WDR82: variants seen among roughly 807,000 people sequenced by gnomAD.
WDR82 encodes the protein WD repeat domain 82, also known as WD repeat-containing protein 82.
WDR82 carries 8 observed loss-of-function variants against 36.1 expected under a neutral mutation model. The observed-to-expected ratio is 0.22, with a 90% CI of 0.13 to 0.40. The LOEUF is 0.40. Ranked by LOEUF, WDR82 falls within the 10% of genes least tolerant of loss-of-function variation. The pLI is 1.00. For synonymous variants in WDR82, 129 were observed against 137.8 expected (o/e 0.94, Z 0.45); for missense variants, 185 against 400.5 (o/e 0.46, Z 4.59).
chr3:52,257,925 C>T (rs1010852671), intron 8 of WDR82, among the ~76,000 whole-genome samples: 1 of 151,740 alleles, frequency 6.6e-6, no homozygotes, highest in East Asian at 1.9e-4. Flanking sequence ...TTTTTTCTAA[C>T]ATTTTTTTCT....
intron 2 of WDR82, among the ~76,000 whole-genome samples, chr3:52,270,159 G>A (rs145943980): frequency 6.6e-5 from 10 of 152,186 alleles, no homozygotes; most frequent in South Asian, 2.1e-4. Flanking sequence ...TCACTCTGTC[G>A]CCCAGGCTGG....
intron 1 of WDR82, among the ~76,000 whole-genome samples, chr3:52,273,896 A>T (rs764325830): frequency 6.6e-6 from 1 of 152,212 alleles, no homozygotes; most frequent in Non-Finnish European, 1.5e-5. Context: ...TGCTGGGATT[A>T]CAAGTGTGAG....
At chr3:52,260,634 C>T (rs1700053332) in intron 4 of WDR82, 133 bp from the exon 5 acceptor site, 2 of 482,374 alleles carry the variant, frequency 4.1e-6, no homozygotes. Context: ...TTACTTTTCC[C>T]AATTAAAACT....
intron 3 of WDR82, among the ~76,000 whole-genome samples, chr3:52,263,901 T>C (rs1245119428): frequency 1.3e-5 from 2 of 152,238 alleles, no homozygotes; most frequent in African/African-American, 4.8e-5. Context: ...CAGTGGCTCA[T>C]GCCTGTAATC....
intron 8 of WDR82, 37 bp downstream of exon 8, chr3:52,258,499 G>A (rs1423504097): frequency 1.2e-6 from 2 of 1,611,858 alleles, no homozygotes; most frequent in African/African-American, 2.7e-5. Flanking sequence ...ACTGGGAAGG[G>A]TCCCTGAGTA....
chr3:52,261,316 T>C lies in WDR82; in HGVS notation c.426+64A>G, dbSNP rs1038942188. On this transcript the variant is annotated intron_variant, in intron 4 of 8. Transcript: ENST00000296490. ...ACTGTTTTCTCCCTTCTTTGAGAGG[T>C]AGAGTTCATTACAGTGCCTACCAAA... 2.2e-5 allele frequency: 30 copies of C among 1,337,516 alleles called. No individual in the cohort carries two copies. The South Asian group carries it at 2.3e-4, about 10-fold the overall frequency. 82.9% of individuals were successfully genotyped at this position (1,337,516 alleles called of 1,614,324 possible).
At chr3:52,259,379 T>C in intron 6 of WDR82, 113 bp from the exon 7 acceptor site, 2 of 1,093,888 alleles carry the variant, frequency 1.8e-6, no homozygotes, top group Non-Finnish European at 1.4e-6. Flanking sequence ...AACCCTTTCC[T>C]TGTCATGTAC....
chr3:52,262,542 C>G (rs1235776769), intron 3 of WDR82, among the ~76,000 whole-genome samples: 1 of 152,204 alleles, frequency 6.6e-6, no homozygotes, highest in Non-Finnish European at 1.5e-5. Context: ...CCCAGAGCCT[C>G]TAATCCAGTA....
rs994549428 is a variant in WDR82, at chr3:52,257,119, G to A, written c.*371C>T. On this transcript the variant is annotated 3_prime_UTR_variant, in exon 9 of 9. Transcript: ENST00000296490. ...GACTTTGGCTTCCCATGCAGTTGGA[G>A]GGTAGAAGGGATGTGCGGAACTGAT... 4.2e-6 allele frequency: 1 copy of A among 235,800 alleles called. No individual in the cohort carries two copies. The highest frequency in any genetic ancestry group is 2.3e-5 in the African/African-American group (1 of 43,908). 14.6% of individuals were successfully genotyped at this position (235,800 alleles called of 1,614,324 possible).
chr3:52,273,002 T>C (rs752399872), intron 1 of WDR82, among the ~76,000 whole-genome samples: 3 of 152,196 alleles, frequency 2.0e-5, no homozygotes, highest in Non-Finnish European at 4.4e-5. Flanking sequence ...CTGTCTGGGG[T>C]TCTGATGTGG....
intron 6 of WDR82, 136 bp downstream of exon 6, chr3:52,259,581 G>A: frequency 9.0e-7 from 1 of 1,116,282 alleles, no homozygotes; most frequent in Non-Finnish European, 1.3e-6. Flanking sequence ...AAGTTCATGA[G>A]CAGGAAGAAA....
Position 52,278,487 on chromosome 3 carries a change from C to A in WDR82, c.-126G>T. ...CGCCGGCGGCTAGCGGGAAGTCGGC[C>A]AACAGTTGGGCCGCCTCCTCCTCTT... On this transcript the variant is annotated 5_prime_UTR_variant, in exon 1 of 9. Transcript: ENST00000296490. 1 of 858,620 alleles carries A rather than the reference C, an allele frequency of 1.2e-6. No homozygotes were observed. The highest frequency in any genetic ancestry group is 1.5e-6 in the Non-Finnish European group (1 of 653,564). The allele number at this position is 858,620 out of a possible 1,614,324, so 53.2% of individuals were successfully genotyped here.
rs139729383 is a variant in WDR82 at position 52,260,769 on chromosome 3, A to G, written c.427-268T>C. The stretch of plus-strand genomic sequence containing the variant: ...AATTTCTGATCAACTCTAACTGCAC[A>G]ATATTACAGACACAGAATTCAAATA... On this transcript the variant is annotated intron_variant, in intron 4 of 8. Coordinates refer to ENST00000296490, the MANE Select transcript of WDR82 (RefSeq NM_025222.4). Among the ~76,000 whole-genome samples, 80 of 152,384 alleles carry G rather than the reference A, an allele frequency of 5.2e-4. 1 individual carries two copies. The highest frequency in any genetic ancestry group is 1.2e-3 in the South Asian group (6 of 4,830).
At chr3:52,274,761 GCA>G in intron 1 of WDR82, among the ~76,000 whole-genome samples, 1 of 152,118 alleles carries the variant, frequency 6.6e-6, no homozygotes, top group East Asian at 1.9e-4. Flanking sequence ...AAATTAGCAG[GCA>G]CACTGATGGG....
chr3:52,278,052 G>T, intron 1 of WDR82, 149 bp downstream of exon 1: 1 of 643,660 alleles, frequency 1.6e-6, no homozygotes, highest in Non-Finnish European at 2.4e-6. Flanking sequence ...AGGTCTCCTG[G>T]ACGGCTGCGG....
At chr3:52,271,802 C>T (rs1440571199) in intron 1 of WDR82, among the ~76,000 whole-genome samples, 1 of 152,228 alleles carries the variant, frequency 6.6e-6, no homozygotes, top group Non-Finnish European at 1.5e-5. Flanking sequence ...AGCAAAATCA[C>T]ACATTTCTGG....
At chr3:52,278,062 G>A in intron 1 of WDR82, 139 bp downstream of exon 1, 1 of 770,708 alleles carries the variant, frequency 1.3e-6, no homozygotes, top group Non-Finnish European at 1.9e-6. Context: ...GACGGCTGCG[G>A]GGTGGAGGCG....
intron 2 of WDR82, among the ~76,000 whole-genome samples, chr3:52,268,636 T>C (rs532857455): frequency 2.6e-5 from 4 of 151,814 alleles, no homozygotes; most frequent in Non-Finnish European, 5.9e-5. Context: ...CTACACTGCT[T>C]CCTTAGAAAA....
At chr3:52,265,156 G>A (rs1328210638) in intron 3 of WDR82, among the ~76,000 whole-genome samples, 1 of 151,534 alleles carries the variant, frequency 6.6e-6, no homozygotes, top group African/African-American at 2.4e-5. Context: ...AAAAACTAGC[G>A]GGGCTTGGTG....
Sources: allele counts gnomAD v4.1 joint callset (sites outside exome capture counted in the v4.1 genomes callset), GRCh38; gene constraint gnomAD v4.1.1; transcripts MANE v1.5; gene names NCBI Gene and HGNC (gene_info 2026-07-23, HGNC 2026-07-21).